Variants in CCDC3 observed in about 807,000 individuals in gnomAD.
The protein encoded by CCDC3 is coiled-coil domain-containing protein 3.
Under a neutral mutation model 21.4 loss-of-function variants are expected in CCDC3, and 24 were observed. The ratio of observed to expected loss-of-function variants is 1.12; its 90% CI spans 0.81 to 1.58. CCDC3 has a LOEUF of 1.58. Ranked by LOEUF, CCDC3 falls within the 40% of genes most tolerant of loss-of-function variation. The probability of loss-of-function intolerance (pLI) is 0.00; values close to 1 mark genes in which losing one functional copy is unlikely to be tolerated. For synonymous variants in CCDC3, 186 were observed against 166.0 expected, an observed-to-expected ratio of 1.12 and a Z score of -0.93; for missense variants, 425 against 360.9, an observed-to-expected ratio of 1.18 and a Z score of -1.44.
rs148489448 is a variant in CCDC3, at chr10:13,092,797, G to A, written c.-503+5728C>T. On this transcript the variant is annotated intron_variant, in intron 3 of 6. Transcript: ENST00000378839. ...CTGTGCAGATCTGATGAGACCAGCC[G>A]CCCAGAAATCTGTGTTACTGCTCCA... Among the ~76,000 whole-genome samples, 1,304 of 152,270 alleles carry A rather than the reference G, an allele frequency of 8.6e-3. 8 individuals carry two copies. Among genetic ancestry groups the A allele is most frequent in the Non-Finnish European group, 0.013 (858 of 68,020 alleles).
At chr10:13,010,283 G>C (rs925036645) in intron 5 of CCDC3, among the ~76,000 whole-genome samples, 3 of 151,698 alleles carry the variant, frequency 2.0e-5, no homozygotes, top group African/African-American at 7.3e-5. Context: ...TCAATGATGA[G>C]AAAACAAACA....
chr10:12,979,011 C>G (rs1835458480), intron 2 of CCDC3, among the ~76,000 whole-genome samples: 1 of 152,108 alleles, frequency 6.6e-6, no homozygotes, highest in Non-Finnish European at 1.5e-5. Context: ...GTGTCATCGC[C>G]TCATCCATAA....
At chr10:12,986,736 G>A (rs1355332678) in intron 2 of CCDC3, among the ~76,000 whole-genome samples, 2 of 150,126 alleles carry the variant, frequency 1.3e-5, no homozygotes, top group East Asian at 2.0e-4. Flanking sequence ...TCGTGCCACT[G>A]CACCCCAGCC....
At chr10:12,932,417 TTATTGAA>T (rs149169999) in intron 2 of CCDC3, among the ~76,000 whole-genome samples, 22,250 of 152,012 alleles carry the variant, frequency 0.15, 1,972 homozygotes, top group East Asian at 0.41. Context: ...CTCACATAAT[TTATTGAA>T]TATTGGAGTA....
intron 2 of CCDC3, among the ~76,000 whole-genome samples, chr10:12,928,917 T>G (rs1358180500): frequency 6.6e-6 from 1 of 152,166 alleles, no homozygotes; most frequent in Non-Finnish European, 1.5e-5. Flanking sequence ...TGGAGGCACC[T>G]GGTTGACTTC....
chr10:13,082,164 G>A (rs530856959), intron 3 of CCDC3, among the ~76,000 whole-genome samples: 3 of 152,218 alleles, frequency 2.0e-5, no homozygotes, highest in Admixed American at 6.5e-5. Flanking sequence ...ACCAAGATGT[G>A]GAGACTGATA....
At chr10:13,047,938 G>A (rs565628530) in intron 5 of CCDC3, among the ~76,000 whole-genome samples, 5 of 152,266 alleles carry the variant, frequency 3.3e-5, no homozygotes, top group Admixed American at 6.5e-5. Flanking sequence ...GGCTTAAAGG[G>A]GGAAAGCAGG....
chr10:12,948,168 G>A (rs1463315687), intron 2 of CCDC3, among the ~76,000 whole-genome samples: 3 of 151,898 alleles, frequency 2.0e-5, no homozygotes, highest in Non-Finnish European at 4.4e-5. Flanking sequence ...TTTTATAAAG[G>A]GCAGTTCCCC....
chr10:12,958,407 C>G (rs1835127547), intron 2 of CCDC3, among the ~76,000 whole-genome samples: 1 of 152,292 alleles, frequency 6.6e-6, no homozygotes, highest in East Asian at 1.9e-4. Context: ...TGACCAATCC[C>G]AGACCCATGC....
At chr10:12,952,538 A>G (rs954535575) in intron 2 of CCDC3, among the ~76,000 whole-genome samples, 1 of 152,190 alleles carries the variant, frequency 6.6e-6, no homozygotes, top group African/African-American at 2.4e-5. Flanking sequence ...CTAGCCCATG[A>G]TGTGTCTTCA....
chr10:12,923,785 A>G (rs894615936), intron 2 of CCDC3, among the ~76,000 whole-genome samples: 1 of 152,204 alleles, frequency 6.6e-6, no homozygotes, highest in Non-Finnish European at 1.5e-5. Context: ...TACTCGGTAC[A>G]TTTTAATCAC....
At chr10:12,927,724 A>G (rs1400007489) in intron 2 of CCDC3, among the ~76,000 whole-genome samples, 1 of 152,238 alleles carries the variant, frequency 6.6e-6, no homozygotes, top group Non-Finnish European at 1.5e-5. Flanking sequence ...AAGGGATTGC[A>G]TCTCATTTCC....
intron 4 of CCDC3, among the ~76,000 whole-genome samples, chr10:13,052,584 G>A (rs1358160153): frequency 6.6e-6 from 1 of 152,134 alleles, no homozygotes; most frequent in Non-Finnish European, 1.5e-5. Context: ...TAACGATACT[G>A]TCTTGTGCCC....
upstream of CCDC3, among the ~76,000 whole-genome samples, chr10:13,003,333 T>G (rs542273176): frequency 9.3e-5 from 14 of 150,452 alleles, no homozygotes; most frequent in East Asian, 2.5e-3. Flanking sequence ...TATCCTCATT[T>G]TACAGATAAC....
chr10:12,980,471 A>G (rs765264980), intron 2 of CCDC3, among the ~76,000 whole-genome samples: 10 of 152,184 alleles, frequency 6.6e-5, no homozygotes, highest in East Asian at 1.9e-4. Flanking sequence ...CAGCTGAGAA[A>G]GGGGAGAGCT....
chr10:13,029,687 G>A (rs913929864), intron 5 of CCDC3, among the ~76,000 whole-genome samples: 1 of 152,178 alleles, frequency 6.6e-6, no homozygotes, highest in Non-Finnish European at 1.5e-5. Context: ...AGAACTACAT[G>A]ACGCATGCAC....
At chr10:13,040,116 T>C (rs1040774462) in intron 5 of CCDC3, among the ~76,000 whole-genome samples, 4 of 151,966 alleles carry the variant, frequency 2.6e-5, no homozygotes, top group African/African-American at 9.7e-5. Context: ...AACATCCAGG[T>C]TGTCTGTCCC....
intron 5 of CCDC3, among the ~76,000 whole-genome samples, chr10:13,020,084 A>C (rs1472704275): frequency 1.3e-5 from 2 of 152,242 alleles, no homozygotes; most frequent in Non-Finnish European, 2.9e-5. Flanking sequence ...GGACCTTGGA[A>C]AATACTTTGA....
At position 12,896,663 on chromosome 10, in the gene CCDC3, A is replaced by T. The variant is rs1222941665; in HGVS notation, c.*1753T>A. 2 of 152,720 alleles carry T rather than the reference A, an allele frequency of 1.3e-5. No individual in the cohort carries two copies. The highest frequency in any genetic ancestry group is 4.8e-5 in the African/African-American group (2 of 41,472). The allele number at this position is 152,720 out of a possible 1,614,324, so 9.5% of individuals were successfully genotyped here. ...CGCCGCTCGTATTTATTGGAAAAGC[A>T]GAACAGTATGCACCTGTAGGGGTGT... On this transcript the variant is annotated 3_prime_UTR_variant, in exon 3 of 3. Coordinates refer to ENST00000378825, the MANE Select transcript of CCDC3 (RefSeq NM_031455.4).
Sources: gnomAD v4.1 joint callset for allele counts (sites outside exome capture counted in the v4.1 genomes callset) on GRCh38, gnomAD v4.1.1 for gene constraint, MANE v1.5 for transcripts, NCBI Gene and HGNC (gene_info 2026-07-23, HGNC 2026-07-21) for gene names.